Variants in AATF observed in about 807,000 individuals in gnomAD.
AATF encodes protein AATF.
Under a neutral mutation model 63.7 loss-of-function variants are expected in AATF, and 48 were observed. The ratio of observed to expected loss-of-function variants is 0.75; its 90% CI spans 0.60 to 0.96. The LOEUF (loss-of-function observed/expected upper bound fraction) is 0.96, where lower values mean the gene tolerates loss of function less well. Ranked by LOEUF, AATF falls within the 40% of genes least tolerant of loss-of-function variation. AATF has a pLI of 0.00. For missense variants in AATF, 639 were observed against 685.7 expected, an observed-to-expected ratio of 0.93 and a Z score of 0.76; for synonymous variants, 258 against 247.7, an observed-to-expected ratio of 1.04 and a Z score of -0.39.
At chr17:37,026,664 T>C (rs2071513294) in intron 10 of AATF, among the ~76,000 whole-genome samples, 1 of 152,250 alleles carries the variant, frequency 6.6e-6, no homozygotes, top group Non-Finnish European at 1.5e-5. Context: ...AATGAGCTAA[T>C]TCATGTGATG....
intron 8 of AATF, among the ~76,000 whole-genome samples, chr17:37,009,787 G>A (rs911898013): frequency 6.7e-5 from 9 of 134,266 alleles, no homozygotes; most frequent in Non-Finnish European, 1.2e-4. Context: ...ACTGCAGTCC[G>A]CAGTCTGGCC....
At chr17:36,960,522 C>T (rs2070938752) in intron 4 of AATF, among the ~76,000 whole-genome samples, 1 of 152,180 alleles carries the variant, frequency 6.6e-6, no homozygotes. Context: ...TCCTGTACCC[C>T]TGCCGCCCAG....
At chr17:37,011,742 T>C (rs1431846412) in intron 8 of AATF, among the ~76,000 whole-genome samples, 1 of 152,148 alleles carries the variant, frequency 6.6e-6, no homozygotes, top group East Asian at 1.9e-4. Flanking sequence ...CAGTGTCAGT[T>C]GCTGCTTCAA....
intron 4 of AATF, among the ~76,000 whole-genome samples, chr17:36,982,869 C>G (rs532316889): frequency 1.3e-5 from 2 of 152,176 alleles, no homozygotes; most frequent in Admixed American, 1.3e-4. Flanking sequence ...CTTCTCAGCC[C>G]CTGGTAACTA....
At chr17:37,001,405 G>GGAGGAAGGA in intron 8 of AATF, among the ~76,000 whole-genome samples, 1 of 63,832 alleles carries the variant, frequency 1.6e-5, no homozygotes, top group South Asian at 7.6e-4. Flanking sequence ...AGGAGGGAGG[G>GGAGGAAGGA]AGGAAGGAAG....
intron 11 of AATF, among the ~76,000 whole-genome samples, chr17:37,047,183 A>T (rs1477244466): frequency 1.3e-5 from 2 of 152,218 alleles, no homozygotes; most frequent in Admixed American, 1.3e-4. Context: ...AATCTGTTAT[A>T]AAACAGTCAA....
At chr17:37,019,178 T>C (rs1165190275) in intron 9 of AATF, 106 bp downstream of exon 9, 4 of 931,356 alleles carry the variant, frequency 4.3e-6, no homozygotes, top group Admixed American at 4.3e-5. Flanking sequence ...CCTATAATTA[T>C]TGAAGTTAAG....
chr17:36,981,702 C>CTTTTTTTTTTTTTTTTTTTTCT, intron 4 of AATF, among the ~76,000 whole-genome samples: 1 of 110,482 alleles, frequency 9.1e-6, no homozygotes, highest in Non-Finnish European at 1.9e-5. Context: ...TCTTTCTTTT[C>CTTTTTTTTTTTTTTTTTTTTCT]TTTTTTTTTT....
At chr17:36,962,533 A>G (rs2070955875) in intron 4 of AATF, among the ~76,000 whole-genome samples, 1 of 152,026 alleles carries the variant, frequency 6.6e-6, no homozygotes, top group Non-Finnish European at 1.5e-5. Flanking sequence ...TGGGTTTCTT[A>G]GGAGTGAGAG....
chr17:37,034,562 G>T (rs2071575807), intron 11 of AATF: 1 of 152,040 alleles, frequency 6.6e-6, no homozygotes, highest in Non-Finnish European at 1.5e-5. Flanking sequence ...GGGGCATAGA[G>T]AATTTTTTAA....
chr17:36,996,493 T>TG lies in AATF; in HGVS notation c.1398+5640dup, dbSNP rs1291994220. Among the ~76,000 whole-genome samples, 3 of 152,320 alleles carry TG rather than the reference T, an allele frequency of 2.0e-5. No homozygotes were observed. In the East Asian group the frequency reaches 5.8e-4, roughly 29 times the overall value. ...AGATATAGCATGGAATTAGGTTTCT[T>TG]GGGGCATAGTAATGGTATTAAAAAC... On this transcript the variant is annotated intron_variant, in intron 8 of 11. Transcript: ENST00000619387.
intron 11 of AATF, chr17:37,056,008 C>A (rs2071795184): frequency 6.6e-6 from 1 of 152,256 alleles, no homozygotes; most frequent in Non-Finnish European, 1.5e-5. Flanking sequence ...GGGCCCAAGA[C>A]CCTGGCATGT....
chr17:36,990,961 C>CACTG (rs1345787010), intron 8 of AATF, 104 bp downstream of exon 8: 10 of 778,832 alleles, frequency 1.3e-5, no homozygotes, highest in Non-Finnish European at 1.6e-5. Context: ...AGGATAGAGT[C>CACTG]AGACAGTGAG....
In AATF at chr17:36,950,349, CCT is replaced by C. The variant is rs1183326045; in HGVS notation, c.230_231del (p.Ser77Ter). 2 of 1,614,066 alleles carry C rather than the reference CCT, an allele frequency of 1.2e-6. No individual in the cohort carries two copies. The highest frequency in any genetic ancestry group is 1.7e-6 in the Non-Finnish European group (2 of 1,180,034). ...GACAAAAGGTATTGCGGCAAAACCACCTCTAGAAAAGCATGGAATGAAGACCA... is the reference window on the plus strand; with the variant it reads ...GACAAAAGGTATTGCGGCAAAACCACCTAGAAAAGCATGGAATGAAGACCA... On this transcript the variant is annotated frameshift_variant, in exon 2 of 12. Transcript: ENST00000619387. LOFTEE classifies it high-confidence loss of function.
At chr17:36,959,495 G>C (rs924445018) in intron 4 of AATF, among the ~76,000 whole-genome samples, 1 of 152,158 alleles carries the variant, frequency 6.6e-6, no homozygotes, top group African/African-American at 2.4e-5. Flanking sequence ...GGATGGGTGG[G>C]AAAATTGTAA....
At chr17:37,019,838 G>A (rs763525691) in intron 9 of AATF, among the ~76,000 whole-genome samples, 26 of 152,246 alleles carry the variant, frequency 1.7e-4, no homozygotes, top group Non-Finnish European at 3.5e-4. Context: ...TTGATATTTC[G>A]TTTATCTCTG....
intron 5 of AATF, among the ~76,000 whole-genome samples, chr17:36,987,153 A>ATTTT (rs11286976): frequency 3.3e-5 from 4 of 121,360 alleles, no homozygotes; most frequent in African/African-American, 6.4e-5. Context: ...ATGCCTGGCT[A>ATTTT]TTTTTTTTTT....
intron 11 of AATF, 137 bp downstream of exon 11, chr17:37,031,822 C>T: frequency 1.4e-6 from 1 of 721,320 alleles, no homozygotes; most frequent in South Asian, 1.6e-5. Context: ...GGTCACATCT[C>T]TTCACCCTCA....
Position 36,990,424 on chromosome 17 carries a change from T to TA in AATF, c.1315-347dup, listed in dbSNP as rs749399613. Among the ~76,000 whole-genome samples, 101 of 152,302 alleles carry TA rather than the reference T, an allele frequency of 6.6e-4. 1 individual carries two copies. Among genetic ancestry groups the TA allele is most frequent in the South Asian group, 1.7e-3 (8 of 4,830 alleles). ...GGTAGATTTCTTGAAGTGGAAGTGT[T>TA]AAAGAAAATACACCAAATTCTGATA... On this transcript the variant is annotated intron_variant, in intron 7 of 11. Transcript: ENST00000619387.
Sources: allele counts gnomAD v4.1 joint callset (sites outside exome capture counted in the v4.1 genomes callset), GRCh38; gene constraint gnomAD v4.1.1; transcripts MANE v1.5; gene names NCBI Gene and HGNC (gene_info 2026-07-23, HGNC 2026-07-21).